Variants in FBXO4 observed in about 807,000 individuals in gnomAD.
The protein encoded by FBXO4 is F-box only protein 4.
A neutral mutation model predicts 43.7 loss-of-function variants in FBXO4; 36 were observed. The ratio of observed to expected loss-of-function variants is 0.82; its 90% CI spans 0.63 to 1.09. FBXO4 has a LOEUF of 1.09. FBXO4 is among the 50% of genes least tolerant of loss of function. FBXO4 has a pLI of 0.00. For missense variants in FBXO4, 435 were observed against 474.1 expected, an observed-to-expected ratio of 0.92 and a Z score of 0.77; for synonymous variants, 180 against 165.6, an observed-to-expected ratio of 1.09 and a Z score of -0.67.
At chr5:42,029,411 G>A in the FBXO4 span, among the ~76,000 whole-genome samples, 2 of 151,774 alleles carry the variant, frequency 1.3e-5, no homozygotes, top group African/African-American at 4.8e-5. Flanking sequence ...TATTAAATTC[G>A]TTGAGGTGGT....
chr5:41,944,436 A>G (rs750297631), downstream of FBXO4, among the ~76,000 whole-genome samples: 1 of 152,214 alleles, frequency 6.6e-6, no homozygotes, highest in Non-Finnish European at 1.5e-5. Flanking sequence ...ATAGCACTAT[A>G]GAAGAGAGAA....
Position 41,929,870 on chromosome 5 carries a change from C to T in FBXO4, c.599C>T (p.Ser200Leu). The T allele has an allele frequency of 1.2e-6, 2 of 1,613,770 alleles. No individual in the cohort carries two copies. Among genetic ancestry groups the T allele is most frequent in the South Asian group, 1.1e-5 (1 of 90,942 alleles). The change falls in exon 3 of 7, where the codon TCA (serine) becomes TTA (leucine). Residue 200 changes from serine to leucine, a missense_variant. By Grantham distance (145) the Ser-to-Leu change is moderately radical (BLOSUM62 -2). Coordinates refer to ENST00000281623, the MANE Select transcript of FBXO4 (RefSeq NM_012176.3). ...NTSLVLSLMS[S>L]EELCPTAGLP... ...TCTTTGGTGTTGAGCTTGATGTCTT[C>T]AGAGGAACTTTGCCCAACAGCTGGT... is the stretch of plus-strand genomic sequence containing the variant.
chr5:41,969,386 C>T, the FBXO4 span, among the ~76,000 whole-genome samples: 1 of 152,118 alleles, frequency 6.6e-6, no homozygotes, highest in Admixed American at 6.6e-5. Context: ...GCCGTTCTCC[C>T]CAATTACAGT....
chr5:41,951,503 G>A, the FBXO4 span: 1 of 251,384 alleles, frequency 4.0e-6, no homozygotes, highest in Non-Finnish European at 7.6e-6. Flanking sequence ...AGGTGCTGAA[G>A]AAGTCTGTTC....
the FBXO4 span, among the ~76,000 whole-genome samples, chr5:42,009,050 C>A: frequency 5.4e-3 from 824 of 152,214 alleles, 11 homozygotes; most frequent in African/African-American, 0.018. Flanking sequence ...GCACATAGGC[C>A]TCATTCCCGC....
chr5:41,943,844 G>T (rs1313320947), downstream of FBXO4, among the ~76,000 whole-genome samples: 1 of 152,170 alleles, frequency 6.6e-6, no homozygotes, highest in Non-Finnish European at 1.5e-5. Flanking sequence ...GGCCTTCAAA[G>T]AGAGAATTAA....
chr5:41,981,230 T>C, the FBXO4 span, among the ~76,000 whole-genome samples: 2 of 152,110 alleles, frequency 1.3e-5, no homozygotes, highest in Non-Finnish European at 2.9e-5. Context: ...CTGGTATGAT[T>C]TAATTTGGTG....
At chr5:42,005,804 G>A in the FBXO4 span, among the ~76,000 whole-genome samples, 152,181 of 152,188 alleles carry the variant, frequency 1, 76,087 homozygotes, top group Middle Eastern at 1. Context: ...AGAAGCCACA[G>A]TGGTCAAGTT....
At chr5:41,938,852 ACTCC>A (rs1382847304) in intron 5 of FBXO4, among the ~76,000 whole-genome samples, 3 of 151,870 alleles carry the variant, frequency 2.0e-5, no homozygotes, top group African/African-American at 4.8e-5. Flanking sequence ...TTCCCATGTG[ACTCC>A]CTCCATCTTC....
chr5:42,020,890 A>G, the FBXO4 span, among the ~76,000 whole-genome samples: 1 of 152,148 alleles, frequency 6.6e-6, no homozygotes, highest in East Asian at 1.9e-4. Flanking sequence ...TTAAACTAAG[A>G]CCTTAAAGAT....
rs370478423 is a variant in FBXO4, at chr5:41,941,231, A to G, written c.1114A>G (p.Asn372Asp). 5.6e-6 allele frequency: 9 copies of G among 1,613,802 alleles called. No homozygotes were observed. The highest frequency in any genetic ancestry group is 5.9e-6 in the Non-Finnish European group (7 of 1,179,804). The part of the protein sequence containing the change: ...TEAETLTGFL[N>D]GIEWILEEVE... ...GGCTGAAACTCTGACTGGTTTTTTG[A>G]ATGGCATTGAGTGGATTCTTGAAGA... Residue 372 changes from asparagine to aspartate, a missense_variant, in exon 7 of 7, where the codon AAT (asparagine) becomes GAT (aspartate). Physicochemically the swap from Asn to Asp is conservative, Grantham distance 23. Coordinates refer to ENST00000281623, the MANE Select transcript of FBXO4 (RefSeq NM_012176.3).
the FBXO4 span, among the ~76,000 whole-genome samples, chr5:41,965,718 G>A: frequency 1.3e-5 from 2 of 152,174 alleles, no homozygotes; most frequent in Admixed American, 6.5e-5. Context: ...CACTGTTGGT[G>A]GGACTGTAAA....
At chr5:41,982,624 T>A in the FBXO4 span, among the ~76,000 whole-genome samples, 2 of 152,126 alleles carry the variant, frequency 1.3e-5, no homozygotes, top group African/African-American at 2.4e-5. Context: ...AAATCATATC[T>A]ATCTGTATTG....
intron 5 of FBXO4, 128 bp from the exon 6 acceptor site, chr5:41,939,313 T>G (rs1167218124): frequency 7.6e-6 from 6 of 793,030 alleles, no homozygotes; most frequent in Middle Eastern, 3.8e-4. Flanking sequence ...GTACTGTGAT[T>G]TTTTTCCCTC....
chr5:41,926,920 C>A (rs1751521888), intron 1 of FBXO4, 93 bp from the exon 2 acceptor site: 6 of 673,160 alleles, frequency 8.9e-6, no homozygotes, highest in Non-Finnish European at 1.3e-5. Flanking sequence ...AGTCAGTTGA[C>A]CTTTTGTTAT....
the FBXO4 span, among the ~76,000 whole-genome samples, chr5:41,949,071 A>G: frequency 6.6e-6 from 1 of 152,222 alleles, no homozygotes; most frequent in Non-Finnish European, 1.5e-5. Context: ...TCTCAAAATA[A>G]TAAGAGCTAT....
rs192202249 is a variant in FBXO4 at position 41,934,033 on chromosome 5, T to C, written c.722+12T>C. On this transcript the variant is annotated intron_variant, in intron 4 of 6. Transcript: ENST00000281623. ...TATTCAACTACCAGGTAAGGCTACATACTTGGTGGCTTAACTGAAACATCA... is the reference window on the plus strand; with the variant it reads ...TATTCAACTACCAGGTAAGGCTACACACTTGGTGGCTTAACTGAAACATCA... 11 of 1,613,024 alleles carry C rather than the reference T, an allele frequency of 6.8e-6. No homozygotes were observed. In the Admixed American group the frequency reaches 1.0e-4, roughly 15 times the overall value.
At chr5:42,025,088 T>C in the FBXO4 span, among the ~76,000 whole-genome samples, 3 of 151,288 alleles carry the variant, frequency 2.0e-5, no homozygotes, top group Non-Finnish European at 4.4e-5. Context: ...TGCTGGATCA[T>C]ATGGTAGCTC....
the FBXO4 span, among the ~76,000 whole-genome samples, chr5:41,958,116 C>T: frequency 3.3e-5 from 5 of 149,584 alleles, no homozygotes; most frequent in African/African-American, 1.2e-4. Flanking sequence ...ATTCTTAAAT[C>T]TAGTCTGTTA....
Sources: gnomAD v4.1 joint callset for allele counts (sites outside exome capture counted in the v4.1 genomes callset) on GRCh38, gnomAD v4.1.1 for gene constraint, MANE v1.5 for transcripts, NCBI Gene and HGNC (gene_info 2026-07-23, HGNC 2026-07-21) for gene names.